IFT56: variants seen among roughly 807,000 people sequenced by gnomAD.
IFT56 encodes intraflagellar transport 56.
At chr7:139,187,263 G>T in the IFT56 span, 1 of 1,030,762 alleles carries the variant, frequency 9.7e-7, no homozygotes, top group South Asian at 2.1e-5. Flanking sequence ...GGGAATTGAA[G>T]TTTTTCTAAC....
the IFT56 span, chr7:139,178,193 T>G: frequency 9.5e-6 from 15 of 1,580,302 alleles, no homozygotes; most frequent in Non-Finnish European, 1.1e-5. Context: ...ATATGTGGGG[T>G]TTTTTTCCCC....
the IFT56 span, among the ~76,000 whole-genome samples, chr7:139,182,874 C>T: frequency 6.6e-6 from 1 of 152,154 alleles, no homozygotes; most frequent in Middle Eastern, 3.4e-3. Context: ...GTCAAATCTG[C>T]AACTGGATAG....
the IFT56 span, among the ~76,000 whole-genome samples, chr7:139,148,991 C>T: frequency 6.6e-6 from 1 of 152,038 alleles, no homozygotes; most frequent in African/African-American, 2.4e-5. Context: ...CAACATACAT[C>T]CAGTAAACCA....
chr7:139,191,489 G>A, the IFT56 span: 1 of 152,162 alleles, frequency 6.6e-6, no homozygotes, highest in African/African-American at 2.4e-5. Flanking sequence ...ATTGCCTATA[G>A]TCAAAAAGCT....
At chr7:139,181,988 A>G in the IFT56 span, among the ~76,000 whole-genome samples, 40 of 152,262 alleles carry the variant, frequency 2.6e-4, no homozygotes, top group Middle Eastern at 6.8e-3. Flanking sequence ...CCAAACTTTG[A>G]GGTGCAAATG....
the IFT56 span, chr7:139,160,965 G>T: frequency 6.2e-7 from 1 of 1,613,514 alleles, no homozygotes; most frequent in Non-Finnish European, 8.5e-7. Flanking sequence ...TCAAAAGCTT[G>T]ATGGACAATG....
the IFT56 span, chr7:139,161,108 ATGCGCC>A: frequency 8.1e-7 from 1 of 1,228,948 alleles, no homozygotes; most frequent in African/African-American, 1.5e-5. Flanking sequence ...ATAAAAGGAG[ATGCGCC>A]AGCAAGTAAT....
the IFT56 span, chr7:139,140,114 T>C: frequency 6.0e-6 from 4 of 663,412 alleles, no homozygotes; most frequent in Non-Finnish European, 9.8e-6. Context: ...AAATTGATAT[T>C]AGAAAGCTAA....
the IFT56 span, chr7:139,181,163 A>G: frequency 4.5e-5 from 73 of 1,613,098 alleles, no homozygotes; most frequent in Non-Finnish European, 6.1e-5. Flanking sequence ...CGAGTCCTTC[A>G]GTCTCTTACA....
the IFT56 span, among the ~76,000 whole-genome samples, chr7:139,157,410 G>T: frequency 2.0e-5 from 3 of 151,074 alleles, no homozygotes; most frequent in South Asian, 6.3e-4. Context: ...GCCTCCCAAA[G>T]TGCTGGGATT....
At chr7:139,133,894 A>G in the IFT56 span, 1 of 1,614,080 alleles carries the variant, frequency 6.2e-7, no homozygotes, top group East Asian at 2.2e-5. Flanking sequence ...GAGTACTTTG[A>G]GTAGGTCCTG....
At chr7:139,135,277 C>CAA in the IFT56 span, among the ~76,000 whole-genome samples, 117 of 62,398 alleles carry the variant, frequency 1.9e-3, 1 homozygote, top group Middle Eastern at 7.4e-3. Flanking sequence ...GACTCCGTCT[C>CAA]AAAAAAAAAA....
At chr7:139,190,526 T>G in the IFT56 span, 1 of 152,326 alleles carries the variant, frequency 6.6e-6, no homozygotes, top group African/African-American at 2.4e-5. Context: ...ATTACAGGCA[T>G]GAGCCACCGC....
At chr7:139,179,557 C>T in the IFT56 span, 27 of 1,611,536 alleles carry the variant, frequency 1.7e-5, no homozygotes, top group Non-Finnish European at 2.3e-5. Flanking sequence ...TATTCCCTTT[C>T]TTTCCTCTTC....
chr7:139,139,784 A>G, the IFT56 span: 7 of 676,428 alleles, frequency 1.0e-5, no homozygotes, highest in Middle Eastern at 7.8e-4. Flanking sequence ...GATTCCCTAA[A>G]TGTGAAGTTG....
the IFT56 span, chr7:139,172,863 A>G: frequency 5.8e-6 from 4 of 686,032 alleles, no homozygotes; most frequent in Non-Finnish European, 1.1e-5. Context: ...CCTTGCTAGG[A>G]GTCAGAGGAA....
At chr7:139,178,446 C>G in the IFT56 span, 2 of 1,495,424 alleles carry the variant, frequency 1.3e-6, no homozygotes, top group African/African-American at 1.4e-5. Context: ...TTGTGTTTAT[C>G]TGGTATAACT....
chr7:139,168,573 A>AG, the IFT56 span: 1 of 588,464 alleles, frequency 1.7e-6, no homozygotes, highest in South Asian at 2.0e-5. Context: ...TAGAGACAAA[A>AG]AAAAAAAACA....
chr7:139,158,305 C>A, the IFT56 span, among the ~76,000 whole-genome samples: 1 of 91,416 alleles, frequency 1.1e-5, no homozygotes, highest in African/African-American at 1.2e-4. Flanking sequence ...CAGAGCTAGA[C>A]GCCATCTCAA....
Sources: allele counts gnomAD v4.1 joint callset (sites outside exome capture counted in the v4.1 genomes callset), GRCh38; gene constraint gnomAD v4.1.1; transcripts MANE v1.5; gene names NCBI Gene and HGNC (gene_info 2026-07-23, HGNC 2026-07-21).